TRAF3IP1: variants seen among roughly 807,000 people sequenced by gnomAD.
TRAF3IP1 encodes the protein intraflagellar transport 54, also known as TRAF3-interacting protein 1.
TRAF3IP1 carries 53 observed loss-of-function variants against 89.9 expected under a neutral mutation model. The observed-to-expected ratio is 0.59, with a 90% confidence interval of 0.47 to 0.74. The LOEUF (loss-of-function observed/expected upper bound fraction) is 0.74, where lower values mean the gene tolerates loss of function less well. Among genes scored for constraint, TRAF3IP1 ranks in the 30% least tolerant of loss-of-function variants. The pLI is 0.00. For missense variants in TRAF3IP1, 806 were observed against 866.1 expected (o/e 0.93, Z 0.87); for synonymous variants, 311 against 322.1 (o/e 0.97, Z 0.37).
intron 15 of TRAF3IP1, among the ~76,000 whole-genome samples, chr2:238,360,072 C>T (rs995694063): frequency 6.6e-6 from 1 of 152,134 alleles, no homozygotes; most frequent in Non-Finnish European, 1.5e-5. Context: ...ATGGTGTGTA[C>T]AGTGTGTATA....
At chr2:238,367,838 G>A (rs1204707683) in intron 15 of TRAF3IP1, among the ~76,000 whole-genome samples, 2 of 152,180 alleles carry the variant, frequency 1.3e-5, no homozygotes, top group African/African-American at 2.4e-5. Context: ...GAGCAGCACC[G>A]CGGCTCCAGC....
In TRAF3IP1 at chr2:238,348,768, A is replaced by T. The variant is rs1227974297; in HGVS notation, c.1287A>T (p.Gly429=). 2 of 1,613,996 alleles carry T rather than the reference A, an allele frequency of 1.2e-6. No individual in the cohort carries two copies. The highest frequency in any genetic ancestry group is 1.7e-6 in the Non-Finnish European group (2 of 1,179,912). ...QKGDSTSDAE[G]DAGPAGQDKS... is the part of the protein sequence containing the mutation. ...AATTGATTGTCATTTGTTTAGAAGG[A>T]GATGCTGGACCTGCTGGCCAAGATA... Residue 429 remains glycine, a synonymous_variant, in exon 11 of 17, where the codon GGA becomes GGT. Transcript: ENST00000373327.
In TRAF3IP1 at chr2:238,349,386, A is replaced by G. The variant is rs780530713; in HGVS notation, c.1429A>G (p.Met477Val). 2 of 1,614,180 alleles carry G rather than the reference A, an allele frequency of 1.2e-6. No homozygotes were observed. Among genetic ancestry groups the G allele is most frequent in the South Asian group, 2.2e-5 (2 of 91,084 alleles). The change falls in exon 12 of 17, where the codon ATG becomes GTG. Residue 477 changes from methionine (M) to valine (V), a missense_variant. This residue lies in a region of TRAF3IP1 where 732 missense variants were observed against 780.5 expected (regional missense o/e 0.94). Transcript: ENST00000373327. ...TCCCCGGGTCAAACGGCAAGACAGC[A>G]TGGAGGCGCTACAAATGGATAGGTA... ...APPRVKRQDS[M>V]EALQMDRSGS...
intron 15 of TRAF3IP1, among the ~76,000 whole-genome samples, chr2:238,374,781 C>G (rs578224328): frequency 9.9e-5 from 15 of 152,236 alleles, no homozygotes; most frequent in African/African-American, 3.6e-4. Flanking sequence ...GGTTGGTAGG[C>G]TATTAATTAT....
At chr2:238,334,123 C>T (rs1698268584) in intron 7 of TRAF3IP1, 88 bp downstream of exon 7, 5 of 977,340 alleles carry the variant, frequency 5.1e-6, no homozygotes, top group Non-Finnish European at 7.6e-6. Context: ...TAGGAAAGAA[C>T]TCCTATGGCT....
intron 5 of TRAF3IP1, among the ~76,000 whole-genome samples, chr2:238,331,335 G>C (rs999656611): frequency 1.3e-5 from 2 of 151,908 alleles, no homozygotes; most frequent in Admixed American, 6.6e-5. Flanking sequence ...AAATTAGCTG[G>C]GTGTGGTGGC....
At chr2:238,354,618 AG>A (rs1699322634) in intron 14 of TRAF3IP1, among the ~76,000 whole-genome samples, 1 of 152,066 alleles carries the variant, frequency 6.6e-6, no homozygotes, top group Admixed American at 6.6e-5. Context: ...GAAACGCTGA[AG>A]GATTTTATTT....
Position 238,345,250 on chromosome 2 carries a change from C to T in TRAF3IP1, c.1261+652C>T, listed in dbSNP as rs1698838654. On this transcript the variant is annotated intron_variant, in intron 9 of 16. Coordinates refer to ENST00000373327, the MANE Select transcript of TRAF3IP1 (RefSeq NM_015650.4). The surrounding 1 kb of genome is among the most constrained non-coding windows in gnomAD (Gnocchi z 4.7). ...GTTGAAGGCCTACTGCATGTCAGCCCTGAGGCTGGGAGCGCATGAGCCAGT... is the reference window on the plus strand; with the variant it reads ...GTTGAAGGCCTACTGCATGTCAGCCTTGAGGCTGGGAGCGCATGAGCCAGT... Among the ~76,000 whole-genome samples, 1 of 152,176 alleles carries T rather than the reference C, an allele frequency of 6.6e-6. No homozygotes were observed. The highest frequency in any genetic ancestry group is 1.5e-5 in the Non-Finnish European group (1 of 68,036).
intron 8 of TRAF3IP1, among the ~76,000 whole-genome samples, chr2:238,343,834 A>AT (rs1698772278): frequency 6.6e-6 from 1 of 150,902 alleles, no homozygotes; most frequent in Non-Finnish European, 1.5e-5. Context: ...TAAATTTTAT[A>AT]TTTTTTTGTG....
At chr2:238,393,489 C>T (rs928931297) in intron 15 of TRAF3IP1, among the ~76,000 whole-genome samples, 7 of 152,134 alleles carry the variant, frequency 4.6e-5, no homozygotes, top group Admixed American at 3.3e-4. Flanking sequence ...CTTACCTTTG[C>T]GGCTTCTTCC....
At chr2:238,385,879 C>T (rs1421081634) in intron 15 of TRAF3IP1, among the ~76,000 whole-genome samples, 1 of 152,112 alleles carries the variant, frequency 6.6e-6, no homozygotes, top group East Asian at 1.9e-4. Context: ...ATGCTCCTGC[C>T]AAAGTAGCAT....
chr2:238,353,723 C>T (rs1055604372), intron 14 of TRAF3IP1, among the ~76,000 whole-genome samples: 6 of 152,002 alleles, frequency 3.9e-5, no homozygotes, highest in African/African-American at 1.2e-4. Flanking sequence ...AGGTGAGTAA[C>T]GAGGGCTTGT....
At position 238,332,850 on chromosome 2, in the gene TRAF3IP1, A is replaced by T. The variant is rs778396333; in HGVS notation, c.942A>T (p.Lys314Asn). 37 of 1,613,638 alleles carry T rather than the reference A, an allele frequency of 2.3e-5. No homozygotes were observed. Among genetic ancestry groups the T allele is most frequent in the Non-Finnish European group, 3.1e-5 (37 of 1,179,698 alleles). The change falls in exon 6 of 17, where the codon AAA becomes AAT. Residue 314 changes from lysine to asparagine, a missense_variant. Lys to Asn is a moderately conservative substitution (Grantham distance 94, BLOSUM62 0). This residue lies in a region of TRAF3IP1 where 732 missense variants were observed against 780.5 expected (regional missense o/e 0.94). Coordinates refer to ENST00000373327, the MANE Select transcript of TRAF3IP1 (RefSeq NM_015650.4). ...CAGCAAGCTCAGGGGAGATGTCTAAAAAGTTATCAGATGGAACTTTTAAAG... is the reference window on the plus strand; with the variant it reads ...CAGCAAGCTCAGGGGAGATGTCTAATAAGTTATCAGATGGAACTTTTAAAG... The part of the protein sequence containing the change: ...KKSASSGEMS[K>N]KLSDGTFKDS...
Position 238,387,690 on chromosome 2 carries a change from G to A in TRAF3IP1, c.1690-9769G>A, listed in dbSNP as rs528545670. Among the ~76,000 whole-genome samples, 4 of 152,326 alleles carry A rather than the reference G, an allele frequency of 2.6e-5. No homozygotes were observed. The South Asian group carries it at 6.2e-4, about 24-fold the overall frequency. ...AAAATAACCCAAATGTTGTCCGTCA[G>A]TGGCAGAATGGATGAATAGTGGTAT... is the stretch of plus-strand genomic sequence containing the variant. On this transcript the variant is annotated intron_variant, in intron 15 of 16. Coordinates refer to ENST00000373327, the MANE Select transcript of TRAF3IP1 (RefSeq NM_015650.4).
rs767199201 is a variant in TRAF3IP1, at chr2:238,338,320, C to A, written c.1064-42C>A. The A allele has an allele frequency of 2.7e-5, 34 of 1,238,932 alleles. No individual in the cohort carries two copies. In the African/African-American group the frequency reaches 2.9e-4, roughly 11 times the overall value. The allele number at this position is 1,238,932 out of a possible 1,614,324, so 76.7% of individuals were successfully genotyped here. On this transcript the variant is annotated intron_variant, in intron 7 of 16. Coordinates refer to ENST00000373327, the MANE Select transcript of TRAF3IP1 (RefSeq NM_015650.4). ...CAGCTAAAACAACCAAACACAAAATCTTTTATAATATTTTAATCTGTTGTT... is the reference window on the plus strand; with the variant it reads ...CAGCTAAAACAACCAAACACAAAATATTTTATAATATTTTAATCTGTTGTT...
At chr2:238,357,880 A>G (rs575901472) in intron 15 of TRAF3IP1, among the ~76,000 whole-genome samples, 7 of 152,258 alleles carry the variant, frequency 4.6e-5, no homozygotes, top group African/African-American at 1.7e-4. Context: ...TGGAAGAGTA[A>G]ATTATTTCAG....
intron 5 of TRAF3IP1, among the ~76,000 whole-genome samples, chr2:238,331,986 G>A (rs1225657194): frequency 6.6e-6 from 1 of 152,194 alleles, no homozygotes; most frequent in Non-Finnish European, 1.5e-5. Flanking sequence ...GAAAACACTT[G>A]GAAAATTAAG....
At chr2:238,354,015 C>T (rs1045631975) in intron 14 of TRAF3IP1, among the ~76,000 whole-genome samples, 5 of 152,206 alleles carry the variant, frequency 3.3e-5, no homozygotes, top group African/African-American at 1.2e-4. Flanking sequence ...CTCAAGTGAT[C>T]CACCCGCCTT....
At position 238,325,388 on chromosome 2, in the gene TRAF3IP1, G is replaced by T. The variant is rs749136615; in HGVS notation, c.192+14G>T. On this transcript the variant is annotated intron_variant, in intron 2 of 16. Coordinates refer to ENST00000373327, the MANE Select transcript of TRAF3IP1 (RefSeq NM_015650.4). The stretch of plus-strand genomic sequence containing the variant: ...GATAATGTGAAGGTGGGTTTGAGTC[G>T]GGCTTCTCCTATTGACTCCTCGCCT... 2 of 1,613,984 alleles carry T rather than the reference G, an allele frequency of 1.2e-6. No homozygotes were observed. Among genetic ancestry groups the T allele is most frequent in the South Asian group, 2.2e-5 (2 of 91,066 alleles).
Sources: allele counts gnomAD v4.1 joint callset (sites outside exome capture counted in the v4.1 genomes callset), GRCh38; gene constraint gnomAD v4.1.1; regional missense constraint gnomAD v4.1.1; non-coding constraint Gnocchi (gnomAD v3.1); transcripts MANE v1.5; gene names NCBI Gene and HGNC (gene_info 2026-07-23, HGNC 2026-07-21).